Variants in PHACTR1 observed in about 807,000 individuals in gnomAD.
PHACTR1 encodes RPEL repeat containing 1.
Under a neutral mutation model 69.2 loss-of-function variants are expected in PHACTR1, and 16 were observed. That is an observed-to-expected ratio of 0.23 (90% confidence interval 0.16 to 0.35). PHACTR1 has a LOEUF of 0.35. Among genes scored for constraint, PHACTR1 ranks in the 10% least tolerant of loss-of-function variants. The probability of loss-of-function intolerance (pLI) is 1.00; values close to 1 mark genes in which losing one functional copy is unlikely to be tolerated. For missense variants in PHACTR1, 510 were observed against 734.7 expected (o/e 0.69, Z 3.54); for synonymous variants, 312 against 284.5 (o/e 1.10, Z -0.97).
chr6:12,808,311 A>AAAAAC (rs1448605083), intron 4 of PHACTR1, among the ~76,000 whole-genome samples: 2 of 152,200 alleles, frequency 1.3e-5, no homozygotes, highest in Admixed American at 6.5e-5. Flanking sequence ...TTTAACTTTT[A>AAAAAC]AAAACTTAGT....
intron 4 of PHACTR1, among the ~76,000 whole-genome samples, chr6:12,824,729 A>T (rs1482249988): frequency 6.6e-6 from 1 of 152,112 alleles, no homozygotes; most frequent in Non-Finnish European, 1.5e-5. Flanking sequence ...GGGATCTATT[A>T]ATATATTAGT....
chr6:12,954,535 G>T (rs917394922), intron 4 of PHACTR1, among the ~76,000 whole-genome samples: 2 of 151,972 alleles, frequency 1.3e-5, no homozygotes, highest in South Asian at 4.2e-4. Flanking sequence ...TATTAGGAGG[G>T]CTAGGGGAAA....
At chr6:13,199,576 A>G (rs1476838298) in intron 7 of PHACTR1, among the ~76,000 whole-genome samples, 5 of 152,080 alleles carry the variant, frequency 3.3e-5, no homozygotes, top group African/African-American at 1.2e-4. Flanking sequence ...ACATAGGGTA[A>G]ATAAAAAATC....
At chr6:12,994,923 T>C (rs1797245957) in intron 4 of PHACTR1, among the ~76,000 whole-genome samples, 1 of 152,178 alleles carries the variant, frequency 6.6e-6, no homozygotes, top group South Asian at 2.1e-4. Context: ...TTCATGCTAG[T>C]AAACTCAGGG....
At chr6:12,990,022 G>A (rs761228329) in intron 4 of PHACTR1, among the ~76,000 whole-genome samples, 8 of 152,100 alleles carry the variant, frequency 5.3e-5, no homozygotes, top group Non-Finnish European at 1.2e-4. Context: ...GAACATGATG[G>A]CAATTAGGAG....
At chr6:12,857,939 C>T (rs1173170196) in intron 4 of PHACTR1, among the ~76,000 whole-genome samples, 1 of 152,118 alleles carries the variant, frequency 6.6e-6, no homozygotes, top group Non-Finnish European at 1.5e-5. Flanking sequence ...TTAGTGAGGT[C>T]ATTTCAGTCA....
At chr6:13,014,021 C>G (rs1582965578) in intron 4 of PHACTR1, among the ~76,000 whole-genome samples, 1 of 152,086 alleles carries the variant, frequency 6.6e-6, no homozygotes, top group East Asian at 1.9e-4. Context: ...GGATGAAGCC[C>G]CTGAAGGAGC....
chr6:12,897,422 A>G (rs930372336), intron 4 of PHACTR1, among the ~76,000 whole-genome samples: 2 of 151,854 alleles, frequency 1.3e-5, no homozygotes, highest in Non-Finnish European at 2.9e-5. Flanking sequence ...CTCTGCTTCT[A>G]CTAGTGTTTT....
intron 10 of PHACTR1, among the ~76,000 whole-genome samples, chr6:13,259,724 C>T (rs1775651617): frequency 6.6e-6 from 1 of 152,176 alleles, no homozygotes. Flanking sequence ...AAGGGACCTT[C>T]TGATGAGTGG....
intron 4 of PHACTR1, chr6:12,934,125 A>C: frequency 1.3e-6 from 1 of 751,292 alleles, no homozygotes; most frequent in Non-Finnish European, 2.0e-6. Context: ...TTCTGGCAGC[A>C]GTTGGCAATC....
intron 4 of PHACTR1, among the ~76,000 whole-genome samples, chr6:12,894,604 GA>G (rs1232108901): frequency 2.6e-5 from 4 of 152,196 alleles, no homozygotes; most frequent in East Asian, 3.9e-4. Context: ...GACTCCTTCT[GA>G]AAAAAGAAAC....
intron 4 of PHACTR1, among the ~76,000 whole-genome samples, chr6:13,028,558 G>C (rs1214345165): frequency 6.6e-6 from 1 of 152,184 alleles, no homozygotes; most frequent in Non-Finnish European, 1.5e-5. Context: ...GCAATGCCTG[G>C]AATATTTCGG....
chr6:13,236,972 G>A (rs1772088032), intron 10 of PHACTR1, among the ~76,000 whole-genome samples: 1 of 152,164 alleles, frequency 6.6e-6, no homozygotes, highest in Admixed American at 6.5e-5. Context: ...GCATCAAGAG[G>A]CCATCACTGT....
intron 5 of PHACTR1, among the ~76,000 whole-genome samples, chr6:13,091,682 C>T (rs559846177): frequency 1.4e-4 from 21 of 152,266 alleles, no homozygotes; most frequent in African/African-American, 5.1e-4. Context: ...GCTTGTTTTT[C>T]TACAACTAGT....
chr6:12,775,990 T>C (rs1451173407), intron 4 of PHACTR1, among the ~76,000 whole-genome samples: 1 of 152,260 alleles, frequency 6.6e-6, no homozygotes, highest in African/African-American at 2.4e-5. Flanking sequence ...GATGTAGTCA[T>C]GTTCTTTGTT....
chr6:13,193,764 C>A (rs1763959787), intron 7 of PHACTR1, among the ~76,000 whole-genome samples: 1 of 152,002 alleles, frequency 6.6e-6, no homozygotes, highest in African/African-American at 2.4e-5. Flanking sequence ...GTTTTGAGAG[C>A]AGATGAATGT....
chr6:13,096,766 T>C (rs1003822713), intron 5 of PHACTR1, among the ~76,000 whole-genome samples: 2 of 152,210 alleles, frequency 1.3e-5, no homozygotes, highest in Non-Finnish European at 2.9e-5. Flanking sequence ...GCAAGTGTTA[T>C]TTTTAAGGAA....
intron 6 of PHACTR1, among the ~76,000 whole-genome samples, chr6:13,165,813 A>G (rs1759716098): frequency 6.6e-6 from 1 of 152,118 alleles, no homozygotes. Flanking sequence ...TTCATTCATG[A>G]GCCCTTAAGT....
intron 4 of PHACTR1, among the ~76,000 whole-genome samples, chr6:12,874,178 A>T (rs1162881317): frequency 1.3e-5 from 2 of 152,188 alleles, no homozygotes; most frequent in East Asian, 3.9e-4. Flanking sequence ...AAGTTCTAAG[A>T]TTCCTCCTTC....
Sources: allele counts gnomAD v4.1 joint callset (sites outside exome capture counted in the v4.1 genomes callset), GRCh38; gene constraint gnomAD v4.1.1; transcripts MANE v1.5; gene names NCBI Gene and HGNC (gene_info 2026-07-23, HGNC 2026-07-21).